Variants in SPECC1 observed in about 807,000 individuals in gnomAD.
The protein encoded by SPECC1 is sperm antigen with calponin homology and coiled-coil domains 1.
In SPECC1, 62 loss-of-function variants were observed where a neutral mutation model predicts 104.1. That is an observed-to-expected ratio of 0.60 (90% CI 0.49 to 0.74). SPECC1 has a LOEUF of 0.74. Among genes scored for constraint, SPECC1 ranks in the 30% least tolerant of loss-of-function variants. The pLI is 0.00. For synonymous variants in SPECC1, 513 were observed against 501.6 expected, an observed-to-expected ratio of 1.02 and a Z score of -0.30; for missense variants, 1,306 against 1,310.5, an observed-to-expected ratio of 1.00 and a Z score of 0.05.
chr17:20,217,955 C>T (rs2037611266), intron 4 of SPECC1, among the ~76,000 whole-genome samples: 1 of 152,022 alleles, frequency 6.6e-6, no homozygotes, highest in African/African-American at 2.4e-5. Flanking sequence ...ATGGCTTGAG[C>T]CAGGAGATAG....
intron 3 of SPECC1, among the ~76,000 whole-genome samples, chr17:20,182,351 A>G (rs1597903696): frequency 6.6e-6 from 1 of 152,166 alleles, no homozygotes; most frequent in East Asian, 1.9e-4. Flanking sequence ...CTTGGACTCA[A>G]GTAATCCGCC....
chr17:20,311,373 A>ATTTTTT (rs749854561), intron 14 of SPECC1, among the ~76,000 whole-genome samples: 259 of 146,178 alleles, frequency 1.8e-3, no homozygotes, highest in African/African-American at 3.4e-3. Context: ...CTTCCAGTAC[A>ATTTTTT]TTTTTTTTTT....
At chr17:20,270,269 G>T (rs2040355416) in intron 12 of SPECC1, among the ~76,000 whole-genome samples, 1 of 151,362 alleles carries the variant, frequency 6.6e-6, no homozygotes, top group Admixed American at 6.6e-5. Context: ...TGGTGAAAGT[G>T]ATACATTAAT....
intron 3 of SPECC1, 141 bp downstream of exon 3, chr17:20,110,703 A>G (rs1020300859): frequency 1.9e-6 from 2 of 1,045,118 alleles, no homozygotes; most frequent in African/African-American, 3.2e-5. Context: ...TGTTTTAGGC[A>G]GACGATGTCG....
intron 12 of SPECC1, among the ~76,000 whole-genome samples, chr17:20,270,433 CAAAAAAAAAAAA>C (rs71157863): frequency 3.4e-4 from 15 of 43,550 alleles, no homozygotes; most frequent in Non-Finnish European, 4.7e-4. Flanking sequence ...CTGTCTTTAC[CAAAAAAAAAAAA>C]AAAAAAAAAA....
intron 3 of SPECC1, among the ~76,000 whole-genome samples, chr17:20,198,052 C>T (rs886408349): frequency 6.6e-6 from 1 of 152,200 alleles, no homozygotes; most frequent in African/African-American, 2.4e-5. Context: ...CTGAGTGGCA[C>T]TAGTGATCTG....
intron 1 of SPECC1, among the ~76,000 whole-genome samples, chr17:20,079,454 C>T (rs545069597): frequency 1.1e-4 from 16 of 152,212 alleles, no homozygotes; most frequent in African/African-American, 3.4e-4. Context: ...TGTGCACCAC[C>T]GTGCCTGGCT....
intron 1 of SPECC1, among the ~76,000 whole-genome samples, chr17:20,016,322 C>T (rs2044124648): frequency 6.6e-6 from 1 of 152,208 alleles, no homozygotes; most frequent in Admixed American, 6.5e-5. Flanking sequence ...GCAGTCCTCG[C>T]TCGCTCTCGG....
chr17:20,064,929 A>G (rs2046310122), intron 1 of SPECC1, among the ~76,000 whole-genome samples: 1 of 152,200 alleles, frequency 6.6e-6, no homozygotes, highest in Admixed American at 6.5e-5. Context: ...AGTCATCTAA[A>G]GAGATGGTTT....
chr17:20,104,248 G>A (rs1456407834), intron 2 of SPECC1, among the ~76,000 whole-genome samples: 2 of 152,196 alleles, frequency 1.3e-5, no homozygotes, highest in Non-Finnish European at 2.9e-5. Flanking sequence ...GTGCAGGATC[G>A]TGAAGGCATC....
chr17:20,238,941 A>C (rs2039066209), intron 7 of SPECC1: 1 of 1,040,282 alleles, frequency 9.6e-7, no homozygotes, highest in African/African-American at 1.7e-5. Context: ...CAGGGCCTTT[A>C]TGTCGTTTTG....
At chr17:20,241,016 G>A (rs1017505803) in intron 7 of SPECC1, among the ~76,000 whole-genome samples, 2 of 152,186 alleles carry the variant, frequency 1.3e-5, no homozygotes, top group African/African-American at 4.8e-5. Flanking sequence ...AGGGCCTGAC[G>A]TTTGCCCCAG....
intron 3 of SPECC1, among the ~76,000 whole-genome samples, chr17:20,164,760 A>G (rs2033498310): frequency 6.6e-6 from 1 of 152,140 alleles, no homozygotes; most frequent in Admixed American, 6.5e-5. Context: ...TGTAGCATGG[A>G]CTTCAAAACT....
chr17:20,193,756 C>T (rs555220085), intron 3 of SPECC1, among the ~76,000 whole-genome samples: 1 of 152,288 alleles, frequency 6.6e-6, no homozygotes, highest in Admixed American at 6.5e-5. Context: ...TCCAAGTAAA[C>T]TAAATTAGAA....
intron 4 of SPECC1, among the ~76,000 whole-genome samples, chr17:20,219,592 G>A (rs2037729428): frequency 6.6e-6 from 1 of 152,068 alleles, no homozygotes; most frequent in African/African-American, 2.4e-5. Flanking sequence ...TTATCGGATG[G>A]GTAGTTTGCA....
At chr17:20,214,709 T>C (rs969974673) in intron 4 of SPECC1, among the ~76,000 whole-genome samples, 11 of 152,134 alleles carry the variant, frequency 7.2e-5, no homozygotes, top group African/African-American at 2.7e-4. Flanking sequence ...GGTTTCACCA[T>C]GTTGGCCAGG....
In SPECC1 at chr17:20,296,871, G is replaced by GCAAAATCT; in HGVS notation, c.2941-90_2941-89insCAAAATCT. The GCAAAATCT allele has an allele frequency of 2.4e-6, 3 of 1,226,800 alleles. No individual in the cohort carries two copies. The East Asian group carries it at 7.1e-5, about 29-fold the overall frequency. 76.0% of individuals were successfully genotyped at this position (1,226,800 alleles called of 1,614,324 possible). A position where few individuals can be genotyped will look rare whatever the true frequency, so the allele number is the denominator to read the frequency against. Reference sequence around the variant, plus strand: ...TGTGATTTTTGCACATTGATTTTGTGTAGATTCCCATCTTATCACAATCTT... The same window carrying GCAAAATCT: ...TGTGATTTTTGCACATTGATTTTGTGCAAAATCTTAGATTCCCATCTTATCACAATCTT... On this transcript the variant is annotated intron_variant, in intron 12 of 14. Transcript: ENST00000395527.
intron 3 of SPECC1, chr17:20,156,136 T>A: frequency 2.2e-6 from 3 of 1,394,036 alleles, no homozygotes; most frequent in Non-Finnish European, 2.8e-6. Flanking sequence ...CAGCGCGAGC[T>A]CGGCACGGTG....
At chr17:20,121,731 G>A (rs1289546157) in intron 3 of SPECC1, among the ~76,000 whole-genome samples, 1 of 152,116 alleles carries the variant, frequency 6.6e-6, no homozygotes, top group East Asian at 1.9e-4. Context: ...GGTTCCTTGT[G>A]TGCAGGGTCC....
Sources: allele counts gnomAD v4.1 joint callset (sites outside exome capture counted in the v4.1 genomes callset), GRCh38; gene constraint gnomAD v4.1.1; transcripts MANE v1.5; gene names NCBI Gene and HGNC (gene_info 2026-07-23, HGNC 2026-07-21).